Variants in TJP1 observed in about 807,000 individuals in gnomAD.
TJP1 encodes the protein tight junction protein 1.
TJP1 carries 43 observed loss-of-function variants against 194.2 expected under a neutral mutation model. That is an observed-to-expected ratio of 0.22 (90% CI 0.17 to 0.29). TJP1 has a LOEUF of 0.29. TJP1 is among the 10% of genes least tolerant of loss of function. The probability of loss-of-function intolerance (pLI) is 1.00; values close to 1 mark genes in which losing one functional copy is unlikely to be tolerated. For synonymous variants in TJP1, 801 were observed against 779.0 expected (o/e 1.03, Z -0.47); for missense variants, 1,971 against 2,185.7 (o/e 0.90, Z 1.96).
upstream of TJP1, among the ~76,000 whole-genome samples, chr15:29,826,746 C>G (rs1429793562): frequency 6.6e-6 from 1 of 152,158 alleles, no homozygotes; most frequent in African/African-American, 2.4e-5. Context: ...AGTCAGGGCT[C>G]CCCAGGCTAC....
intron 2 of TJP1, among the ~76,000 whole-genome samples, chr15:29,928,155 A>T (rs377127725): frequency 9.9e-5 from 15 of 152,186 alleles, no homozygotes; most frequent in East Asian, 3.8e-4. Flanking sequence ...CAACAGAAAC[A>T]TACCCACAAT....
At chr15:29,940,309 A>T (rs1567215057) in intron 2 of TJP1, among the ~76,000 whole-genome samples, 1 of 152,172 alleles carries the variant, frequency 6.6e-6, no homozygotes, top group Non-Finnish European at 1.5e-5. Context: ...TGCCCATGTC[A>T]CAGGTGGCCC....
intron 1 of TJP1, among the ~76,000 whole-genome samples, chr15:29,803,781 CAT>C (rs1271604246): frequency 6.6e-6 from 1 of 152,034 alleles, no homozygotes; most frequent in African/African-American, 2.4e-5. Flanking sequence ...AATACTAAAA[CAT>C]AATTGCTCTC....
chr15:29,968,138 T>A, intron 1 of TJP1: 1 of 985,480 alleles, frequency 1.0e-6, no homozygotes, highest in South Asian at 4.7e-5. Context: ...CTGGAACGCA[T>A]GCAGGTGGAA....
intron 2 of TJP1, among the ~76,000 whole-genome samples, chr15:29,794,391 G>A (rs1001134041): frequency 6.6e-6 from 1 of 151,990 alleles, no homozygotes; most frequent in African/African-American, 2.4e-5. Context: ...CCCTCTCATG[G>A]CAAAAAAATA....
intron 18 of TJP1, among the ~76,000 whole-genome samples, chr15:29,724,539 C>T (rs1339984694): frequency 3.3e-5 from 5 of 152,130 alleles, no homozygotes; most frequent in African/African-American, 1.2e-4. Context: ...CGATGGGTTG[C>T]TTTGAACTAG....
intron 2 of TJP1, among the ~76,000 whole-genome samples, chr15:29,783,312 C>A (rs1327692723): frequency 1.3e-5 from 2 of 151,908 alleles, no homozygotes; most frequent in African/African-American, 4.8e-5. Context: ...TCATCTCACA[C>A]CTGTCAGAAT....
At chr15:29,958,471 TTTC>T (rs2056031463) in intron 1 of TJP1, among the ~76,000 whole-genome samples, 1 of 152,180 alleles carries the variant, frequency 6.6e-6, no homozygotes, top group Non-Finnish European at 1.5e-5. Flanking sequence ...TGTTTAATGC[TTTC>T]TTCTTAAGTT....
At chr15:29,924,202 G>A (rs778217096) in intron 2 of TJP1, among the ~76,000 whole-genome samples, 2 of 152,110 alleles carry the variant, frequency 1.3e-5, no homozygotes, top group Non-Finnish European at 1.5e-5. Flanking sequence ...AGTCTCCCAA[G>A]TAGCTGAGAC....
chr15:29,889,675 A>G (rs1006994989), intron 2 of TJP1, among the ~76,000 whole-genome samples: 13 of 152,208 alleles, frequency 8.5e-5, no homozygotes, highest in African/African-American at 3.1e-4. Flanking sequence ...CGGAGCAGGC[A>G]CACCCATGGG....
intron 4 of TJP1, among the ~76,000 whole-genome samples, chr15:29,767,827 TCAAAGA>T (rs2046417315): frequency 6.6e-6 from 1 of 152,256 alleles, no homozygotes; most frequent in East Asian, 1.9e-4. Flanking sequence ...CCTTCTGGTC[TCAAAGA>T]CCAAGGCAAT....
intron 2 of TJP1, among the ~76,000 whole-genome samples, chr15:29,847,665 G>A (rs1320731713): frequency 1.2e-4 from 18 of 152,096 alleles, no homozygotes; most frequent in African/African-American, 4.3e-4. Flanking sequence ...CGTGCCTGTA[G>A]TCCCAGCTGC....
chr15:29,872,297 G>A lies in TJP1; in HGVS notation c.307-71595C>T, dbSNP rs1258763115. On this transcript the variant is annotated intron_variant, in intron 2 of 28. Transcript: ENST00000356107. ...TTATGTGGCAACCTGATTTTCCCTA[G>A]ATTTGTCATCTTATATTTCAATCAG... 2.6e-5 allele frequency among the ~76,000 whole-genome samples: 4 copies of A among 152,088 alleles called. No homozygotes were observed. In the East Asian group the frequency reaches 7.7e-4, roughly 29 times the overall value.
chr15:29,891,261 T>C (rs985277040), intron 2 of TJP1, among the ~76,000 whole-genome samples: 1 of 152,090 alleles, frequency 6.6e-6, no homozygotes, highest in African/African-American at 2.4e-5. Context: ...CATAGGAAAA[T>C]CCCCAAGGGG....
At chr15:29,766,111 C>G (rs2046314912) in intron 5 of TJP1, among the ~76,000 whole-genome samples, 155 bp downstream of exon 5, 4 of 152,146 alleles carry the variant, frequency 2.6e-5, no homozygotes, top group Admixed American at 2.6e-4. Context: ...ATGAACAGTC[C>G]CTGAAGCCTG....
intron 12 of TJP1, 71 bp downstream of exon 12, chr15:29,734,203 A>G (rs529646169): frequency 1.9e-6 from 2 of 1,067,820 alleles, no homozygotes; most frequent in South Asian, 3.1e-5. Flanking sequence ...TTTTTTAAAA[A>G]TGGAATAAAT....
intron 2 of TJP1, among the ~76,000 whole-genome samples, chr15:29,949,078 A>C (rs1246840487): frequency 3.1e-5 from 4 of 130,018 alleles, no homozygotes; most frequent in Non-Finnish European, 6.6e-5. Context: ...CTACCACCAC[A>C]ACCTACTCCT....
At chr15:29,862,292 T>C (rs1267458025) in intron 2 of TJP1, among the ~76,000 whole-genome samples, 1 of 152,174 alleles carries the variant, frequency 6.6e-6, no homozygotes, top group Admixed American at 6.5e-5. Context: ...TTGTTTCTGT[T>C]CTTCAGAATT....
At chr15:29,898,476 C>G (rs989027775) in intron 2 of TJP1, among the ~76,000 whole-genome samples, 2 of 152,134 alleles carry the variant, frequency 1.3e-5, no homozygotes, top group African/African-American at 4.8e-5. Flanking sequence ...TATATAGGAT[C>G]CCTCAGATTT....
Sources: gnomAD v4.1 joint callset for allele counts (sites outside exome capture counted in the v4.1 genomes callset) on GRCh38, gnomAD v4.1.1 for gene constraint, MANE v1.5 for transcripts, NCBI Gene and HGNC (gene_info 2026-07-23, HGNC 2026-07-21) for gene names.